Variants in CFAP299 observed in about 807,000 individuals in gnomAD.
CFAP299 encodes the protein cilia and flagella associated protein 299.
CFAP299 carries 21 observed loss-of-function variants against 27.0 expected under a neutral mutation model. The observed-to-expected ratio is 0.78, with a 90% CI of 0.55 to 1.12. The LOEUF is 1.12. CFAP299 is among the 50% of genes most tolerant of loss of function. The probability of loss-of-function intolerance (pLI) is 0.00; values close to 1 mark genes in which losing one functional copy is unlikely to be tolerated. For synonymous variants in CFAP299, 104 were observed against 98.1 expected, an observed-to-expected ratio of 1.06 and a Z score of -0.36; for missense variants, 310 against 276.6, an observed-to-expected ratio of 1.12 and a Z score of -0.86.
intron 3 of CFAP299, among the ~76,000 whole-genome samples, chr4:80,690,079 C>A (rs1720552657): frequency 6.7e-6 from 1 of 148,976 alleles, no homozygotes; most frequent in South Asian, 2.1e-4. Context: ...CTTAGACTCC[C>A]ACACATTAAT....
rs566288316 is a variant in CFAP299 at position 80,803,964 on chromosome 4, T to G, written c.334-66029T>G. 6.8e-4 allele frequency among the ~76,000 whole-genome samples: 104 copies of G among 152,148 alleles called. 1 individual carries two copies. The highest frequency in any genetic ancestry group is 4.1e-4 in the South Asian group (2 of 4,820). ...GGGGGACATCCAAGATCACTCAGTGTCTGGTGAGGACCTTCTTGTGTCCTC... is the reference window on the plus strand; with the variant it reads ...GGGGGACATCCAAGATCACTCAGTGGCTGGTGAGGACCTTCTTGTGTCCTC... On this transcript the variant is annotated intron_variant, in intron 3 of 5. Coordinates refer to ENST00000358105, the MANE Select transcript of CFAP299 (RefSeq NM_152770.3).
chr4:80,933,231 T>G (rs1736717402), intron 4 of CFAP299, among the ~76,000 whole-genome samples: 1 of 151,898 alleles, frequency 6.6e-6, no homozygotes, highest in Non-Finnish European at 1.5e-5. Context: ...ATATTATTAC[T>G]CATAAGCCAT....
At chr4:80,699,300 T>C (rs576929204) in intron 3 of CFAP299, among the ~76,000 whole-genome samples, 2 of 152,278 alleles carry the variant, frequency 1.3e-5, no homozygotes, top group East Asian at 3.9e-4. Flanking sequence ...TGATAGGCTG[T>C]AGGTGGCTTG....
intron 3 of CFAP299, among the ~76,000 whole-genome samples, chr4:80,619,840 A>G (rs1324566202): frequency 6.6e-6 from 1 of 152,126 alleles, no homozygotes; most frequent in Non-Finnish European, 1.5e-5. Flanking sequence ...CTTAATTATA[A>G]TGAGATAAAC....
intron 3 of CFAP299, among the ~76,000 whole-genome samples, chr4:80,825,246 A>T (rs1281269022): frequency 6.6e-6 from 1 of 151,974 alleles, no homozygotes; most frequent in Non-Finnish European, 1.5e-5. Context: ...AATGATTGAA[A>T]AAAGGTAAAC....
Position 80,727,078 on chromosome 4 carries a change from A to T in CFAP299, c.334-142915A>T, listed in dbSNP as rs528722180. Among the ~76,000 whole-genome samples, 3 of 152,226 alleles carry T rather than the reference A, an allele frequency of 2.0e-5. No individual in the cohort carries two copies. The East Asian group carries it at 5.8e-4, about 29-fold the overall frequency. On this transcript the variant is annotated intron_variant, in intron 3 of 5. Transcript: ENST00000358105. ...GATCAGTGGGAGTCAGGGCAATGTC[A>T]TGTATGTTCCAAGATAACATTTAAA... is the stretch of plus-strand genomic sequence containing the variant.
rs1376714424 is a variant in CFAP299 at position 80,572,506 on chromosome 4, A to ATTT, written c.243-10587_243-10586insTTT. ...ATGTTGTTGCACATGACTGGATCCC[A>ATTT]GTTTTTTTTTTTTTTTTTTTTTTTT... is the stretch of plus-strand genomic sequence containing the variant. On this transcript the variant is annotated intron_variant, in intron 2 of 5. Transcript: ENST00000358105. 1.1e-4 allele frequency among the ~76,000 whole-genome samples: 3 copies of ATTT among 28,264 alleles called. No individual in the cohort carries two copies. The South Asian group carries it at 4.4e-3, about 41-fold the overall frequency. 18.5% of individuals were successfully genotyped at this position (28,264 alleles called of 152,430 possible). A position where few individuals can be genotyped will look rare whatever the true frequency, so the allele number is the denominator to read the frequency against.
At chr4:80,890,120 C>G (rs954565085) in intron 4 of CFAP299, among the ~76,000 whole-genome samples, 2 of 152,018 alleles carry the variant, frequency 1.3e-5, no homozygotes, top group African/African-American at 4.8e-5. Context: ...TACTGGAAGT[C>G]CTAGCCATAA....
At chr4:80,815,866 T>G (rs998567085) in intron 3 of CFAP299, among the ~76,000 whole-genome samples, 3 of 152,036 alleles carry the variant, frequency 2.0e-5, no homozygotes, top group Admixed American at 2.0e-4. Flanking sequence ...ATGATGTTTC[T>G]CTCTAGGATA....
At chr4:80,871,262 C>T (rs1399145196) in intron 4 of CFAP299, 2 of 985,454 alleles carry the variant, frequency 2.0e-6, no homozygotes, top group Non-Finnish European at 2.4e-6. Flanking sequence ...GATAACATTT[C>T]ATTTAACTTC....
intron 2 of CFAP299, among the ~76,000 whole-genome samples, chr4:80,478,605 A>G (rs1041947617): frequency 3.9e-5 from 6 of 152,130 alleles, no homozygotes; most frequent in Non-Finnish European, 8.8e-5. Context: ...ATAATTTTTC[A>G]GTTCTAATAA....
intron 3 of CFAP299, among the ~76,000 whole-genome samples, chr4:80,780,836 G>A (rs1726831518): frequency 6.6e-6 from 1 of 151,788 alleles, no homozygotes; most frequent in African/African-American, 2.4e-5. Context: ...AGAATAGGTG[G>A]TAAACAAAAA....
intron 3 of CFAP299, among the ~76,000 whole-genome samples, chr4:80,596,898 G>C (rs79741692): frequency 6.6e-6 from 1 of 151,982 alleles, no homozygotes; most frequent in Admixed American, 6.6e-5. Flanking sequence ...CCATGTTGTC[G>C]TGTGCAGTTG....
intron 3 of CFAP299, among the ~76,000 whole-genome samples, chr4:80,664,313 G>A (rs1442025020): frequency 6.6e-6 from 1 of 152,166 alleles, no homozygotes; most frequent in Non-Finnish European, 1.5e-5. Context: ...AGGCAGGAAC[G>A]TTTGAGTCTG....
intron 2 of CFAP299, among the ~76,000 whole-genome samples, chr4:80,576,518 T>C (rs1735875438): frequency 6.6e-6 from 1 of 152,110 alleles, no homozygotes; most frequent in African/African-American, 2.4e-5. Flanking sequence ...TTTTGGCCTC[T>C]AAAAAATAGA....
At chr4:80,388,268 A>T in intron 2 of CFAP299, 1 of 687,040 alleles carries the variant, frequency 1.5e-6, no homozygotes, top group Non-Finnish European at 2.7e-6. Context: ...GGGCTGGTCC[A>T]GGGATGTGAA....
chr4:80,879,701 T>A (rs1733594836), intron 4 of CFAP299, among the ~76,000 whole-genome samples: 1 of 152,218 alleles, frequency 6.6e-6, no homozygotes, highest in South Asian at 2.1e-4. Context: ...AGATGTGTAA[T>A]TTTAATTAAT....
At chr4:80,651,704 TTGTGTGTGTG>T (rs34460418) in intron 3 of CFAP299, among the ~76,000 whole-genome samples, 7 of 139,550 alleles carry the variant, frequency 5.0e-5, no homozygotes, top group Non-Finnish European at 6.3e-5. Flanking sequence ...AGGTATGCAC[TTGTGTGTGTG>T]TGTGTGTGTG....
At chr4:80,636,654 T>G (rs548588603) in intron 3 of CFAP299, among the ~76,000 whole-genome samples, 6 of 152,322 alleles carry the variant, frequency 3.9e-5, no homozygotes, top group African/African-American at 7.2e-5. Context: ...ATTTATGACT[T>G]GTATAATACC....
Sources: gnomAD v4.1 joint callset for allele counts (sites outside exome capture counted in the v4.1 genomes callset) on GRCh38, gnomAD v4.1.1 for gene constraint, MANE v1.5 for transcripts, NCBI Gene and HGNC (gene_info 2026-07-23, HGNC 2026-07-21) for gene names.